The following ESR1 variants were observed in gnomAD, a reference collection of about 807,000 sequenced individuals.
The protein encoded by ESR1 is estrogen receptor.
ESR1 carries 12 observed loss-of-function variants against 52.7 expected under a neutral mutation model. That is an observed-to-expected ratio of 0.23 (90% confidence interval 0.15 to 0.37). The LOEUF is 0.37. Ranked by LOEUF, ESR1 falls within the 10% of genes least tolerant of loss-of-function variation. ESR1 has a pLI of 1.00. For synonymous variants in ESR1, 305 were observed against 316.8 expected (o/e 0.96, Z 0.39); for missense variants, 584 against 779.7 (o/e 0.75, Z 2.99).
At chr6:151,761,699 C>T (rs1366448327) in intron 2 of ESR1, among the ~76,000 whole-genome samples, 1 of 152,190 alleles carries the variant, frequency 6.6e-6, no homozygotes, top group Admixed American at 6.5e-5. Context: ...CATTTCATAG[C>T]CAGCCCCACC....
chr6:152,025,027 G>A (rs2044016980), intron 5 of ESR1, among the ~76,000 whole-genome samples: 1 of 146,944 alleles, frequency 6.8e-6, no homozygotes, highest in Non-Finnish European at 1.5e-5. Flanking sequence ...TCTAAAAATA[G>A]TAGCAGTCAT....
At chr6:151,754,490 G>A (rs1328898922) in intron 2 of ESR1, among the ~76,000 whole-genome samples, 1 of 152,138 alleles carries the variant, frequency 6.6e-6, no homozygotes, top group Non-Finnish European at 1.5e-5. Flanking sequence ...TCTCAGGCTA[G>A]TGCCCATATT....
chr6:151,983,829 A>G (rs1455219912), intron 4 of ESR1: 1 of 152,114 alleles, frequency 6.6e-6, no homozygotes. Flanking sequence ...CCAGGATGTT[A>G]GTCGTGTCCT....
intron 4 of ESR1, among the ~76,000 whole-genome samples, chr6:152,010,222 TA>T (rs1379799669): frequency 2.6e-5 from 4 of 152,062 alleles, no homozygotes; most frequent in Non-Finnish European, 4.4e-5. Flanking sequence ...AATGATAAGC[TA>T]CCTGTTTAAT....
intron 3 of ESR1, among the ~76,000 whole-genome samples, chr6:151,925,975 TA>T (rs1197657294): frequency 6.6e-6 from 1 of 152,198 alleles, no homozygotes; most frequent in Non-Finnish European, 1.5e-5. Flanking sequence ...AAGTTTTGTT[TA>T]AGGTGTAAGG....
At chr6:152,076,410 G>C (rs1275570398) in intron 6 of ESR1, among the ~76,000 whole-genome samples, 1 of 152,090 alleles carries the variant, frequency 6.6e-6, no homozygotes. Context: ...TTTCTTCCCA[G>C]TCTTGGGTAT....
intron 4 of ESR1, among the ~76,000 whole-genome samples, chr6:152,005,078 A>G (rs2042230431): frequency 6.6e-6 from 1 of 151,978 alleles, no homozygotes; most frequent in Non-Finnish European, 1.5e-5. Flanking sequence ...TGTTCTGTCT[A>G]TCCCAAGGCA....
intron 3 of ESR1, 110 bp from the exon 4 acceptor site, chr6:151,944,063 G>C (rs1584382894): frequency 1.1e-6 from 1 of 887,298 alleles, no homozygotes; most frequent in East Asian, 2.6e-5. Context: ...ACCTGTGCTT[G>C]AAAGTATTTC....
chr6:151,871,938 C>A (rs1791044152), intron 2 of ESR1, among the ~76,000 whole-genome samples: 2 of 152,316 alleles, frequency 1.3e-5, no homozygotes, highest in East Asian at 3.9e-4. Flanking sequence ...CTGAATAATA[C>A]TCCACTGTAT....
At chr6:151,749,472 T>C (rs1270796292) in intron 2 of ESR1, among the ~76,000 whole-genome samples, 1 of 152,190 alleles carries the variant, frequency 6.6e-6, no homozygotes, top group Non-Finnish European at 1.5e-5. Context: ...CGATGCATTA[T>C]TGTTAGCCAC....
intron 2 of ESR1, among the ~76,000 whole-genome samples, chr6:151,739,144 C>T (rs1782889791): frequency 6.6e-6 from 1 of 152,124 alleles, no homozygotes; most frequent in African/African-American, 2.4e-5. Context: ...GTCTTGACCA[C>T]TAGGGGATCA....
chr6:151,880,476 C>T (rs947903760), intron 2 of ESR1, among the ~76,000 whole-genome samples, 179 bp from the exon 3 acceptor site: 2 of 152,038 alleles, frequency 1.3e-5, no homozygotes, highest in Non-Finnish European at 2.9e-5. Context: ...CCACCGTGCC[C>T]GGCCCATGAG....
In ESR1 at chr6:152,012,054, T is replaced by TCACA. The variant is rs754526785; in HGVS notation, c.1235+261_1235+262insACAC. Among the ~76,000 whole-genome samples the TCACA allele has an allele frequency of 2.7e-3, 322 of 118,056 alleles. 1 individual carries two copies. The highest frequency in any genetic ancestry group is 0.023 in the South Asian group (68 of 2,968). The allele number at this position is 118,056 out of a possible 152,430, so 77.4% of individuals were successfully genotyped here. ...CACACACACACACACACACTCACAC[T>TCACA]CTCTCTCTCTCTCTCTCTGTCATTA... is the stretch of plus-strand genomic sequence containing the variant. On this transcript the variant is annotated intron_variant, in intron 5 of 7. Transcript: ENST00000206249.
chr6:151,867,572 A>G (rs1209937999), intron 2 of ESR1, among the ~76,000 whole-genome samples: 1 of 152,226 alleles, frequency 6.6e-6, no homozygotes, highest in Non-Finnish European at 1.5e-5. Context: ...ACTGGTCAAG[A>G]GAAATGCAAA....
chr6:152,034,026 C>T (rs1157016754), intron 5 of ESR1, among the ~76,000 whole-genome samples: 6 of 151,676 alleles, frequency 4.0e-5, no homozygotes, highest in South Asian at 2.1e-4. Flanking sequence ...TCATTGTGAG[C>T]GAACTATCAC....
At chr6:151,657,315 G>T (rs1777488529) in intron 1 of ESR1, among the ~76,000 whole-genome samples, 1 of 151,946 alleles carries the variant, frequency 6.6e-6, no homozygotes, top group Admixed American at 6.6e-5. Context: ...AACTTTTATG[G>T]GTACTAACCA....
At chr6:151,745,150 A>G (rs1156710087) in intron 2 of ESR1, among the ~76,000 whole-genome samples, 1 of 152,208 alleles carries the variant, frequency 6.6e-6, no homozygotes, top group Non-Finnish European at 1.5e-5. Flanking sequence ...TTTCTATAAA[A>G]TAGTTCAAAT....
chr6:152,096,600 C>T (rs2050629661), intron 7 of ESR1: 2 of 455,260 alleles, frequency 4.4e-6, no homozygotes, highest in African/African-American at 2.0e-5. Context: ...AGGCTTTTCC[C>T]TGCCCTGTGA....
At chr6:152,076,078 C>T (rs1393587585) in intron 6 of ESR1, among the ~76,000 whole-genome samples, 1 of 152,180 alleles carries the variant, frequency 6.6e-6, no homozygotes, top group Non-Finnish European at 1.5e-5. Flanking sequence ...ATCCAGGAGA[C>T]AGATTATCAC....
Sources: allele counts gnomAD v4.1 joint callset (sites outside exome capture counted in the v4.1 genomes callset), GRCh38; gene constraint gnomAD v4.1.1; transcripts MANE v1.5; gene names NCBI Gene and HGNC (gene_info 2026-07-23, HGNC 2026-07-21).